UGDH: variants seen among roughly 807,000 people sequenced by gnomAD.
The protein encoded by UGDH is UDP-glucose 6-dehydrogenase.
UGDH carries 38 observed loss-of-function variants against 50.6 expected under a neutral mutation model. That is an observed-to-expected ratio of 0.75 (90% CI 0.58 to 0.98). UGDH has a LOEUF of 0.98. Ranked by LOEUF, UGDH falls within the 50% of genes least tolerant of loss-of-function variation. UGDH has a pLI of 0.00. For missense variants in UGDH, 465 were observed against 606.2 expected (o/e 0.77, Z 2.45); for synonymous variants, 168 against 199.9 (o/e 0.84, Z 1.35).
Position 39,510,780 on chromosome 4 carries a change from T to C in UGDH, c.346A>G (p.Ile116Val). Residue 116 changes from isoleucine (I) to valine (V), a missense_variant, in exon 4 of 12, where the codon ATT becomes GTT. Ile to Val is a conservative substitution (Grantham distance 29). Coordinates refer to ENST00000316423, the MANE Select transcript of UGDH (RefSeq NM_003359.4). ...LKYIEACARR[I>V]VQNSNGYKIV... is the part of the protein sequence containing the mutation. The stretch of plus-strand genomic sequence containing the variant: ...TTGTACCCATTTGAGTTTTGCACAA[T>C]GCGTCTAGCACAAGCTTCAATATAC... 3 of 1,614,252 alleles carry C rather than the reference T, an allele frequency of 1.9e-6. No homozygotes were observed. The highest frequency in any genetic ancestry group is 2.5e-6 in the Non-Finnish European group (3 of 1,180,046).
intron 2 of UGDH, among the ~76,000 whole-genome samples, chr4:39,518,930 ATTT>A (rs1469014081): frequency 6.6e-6 from 1 of 152,098 alleles, no homozygotes; most frequent in East Asian, 1.9e-4. Context: ...TTATTTACTT[ATTT>A]GGAGACAGAG....
In UGDH at chr4:39,501,724, A is replaced by G. The variant is rs986332633; in HGVS notation, c.1375-1471T>C. ...CTTAACTCAAAGGGTCGTGGTAAGT[A>G]TTAAATTAGGTAAAGTGCTTAGCAT... On this transcript the variant is annotated intron_variant, in intron 11 of 11. Coordinates refer to ENST00000316423, the MANE Select transcript of UGDH (RefSeq NM_003359.4). 3.3e-5 allele frequency among the ~76,000 whole-genome samples: 5 copies of G among 152,342 alleles called. No homozygotes were observed. The Middle Eastern group carries it at 0.014, about 415-fold the overall frequency.
intron 2 of UGDH, 22 bp downstream of exon 2, chr4:39,521,329 A>C: frequency 6.4e-7 from 1 of 1,572,316 alleles, no homozygotes; most frequent in Non-Finnish European, 8.6e-7. Context: ...CATAAAAACA[A>C]AGAGATGTTT....
At chr4:39,523,410 G>A (rs1746747739) in intron 1 of UGDH, among the ~76,000 whole-genome samples, 2 of 151,976 alleles carry the variant, frequency 1.3e-5, no homozygotes, top group African/African-American at 4.8e-5. Flanking sequence ...TAGTAAAAAT[G>A]GACAGAATTT....
chr4:39,505,010 T>C (rs1243430511), intron 9 of UGDH, among the ~76,000 whole-genome samples: 1 of 152,176 alleles, frequency 6.6e-6, no homozygotes, highest in African/African-American at 2.4e-5. Context: ...CTTTGGAATT[T>C]TGGGGATTTG....
At chr4:39,515,234 A>G (rs1203403161) in intron 2 of UGDH, among the ~76,000 whole-genome samples, 1 of 152,228 alleles carries the variant, frequency 6.6e-6, no homozygotes, top group Non-Finnish European at 1.5e-5. Context: ...GTCATTGTTT[A>G]CCATGTGACT....
chr4:39,509,976 T>C lies in UGDH; in HGVS notation c.664-69A>G, dbSNP rs566457553. On this transcript the variant is annotated intron_variant, in intron 5 of 11. Coordinates refer to ENST00000316423, the MANE Select transcript of UGDH (RefSeq NM_003359.4). ...AGCAATTTTATACATCTAGTTTATATTTCATTGCGTTGACGCAAATTACTG... is the reference window on the plus strand; with the variant it reads ...AGCAATTTTATACATCTAGTTTATACTTCATTGCGTTGACGCAAATTACTG... The C allele has an allele frequency of 3.4e-6, 5 of 1,488,250 alleles. No homozygotes were observed. The African/African-American group carries it at 4.2e-5, about 13-fold the overall frequency. 92.2% of individuals were successfully genotyped at this position (1,488,250 alleles called of 1,614,324 possible). A position where few individuals can be genotyped will look rare whatever the true frequency, so the allele number is the denominator to read the frequency against.
intron 1 of UGDH, chr4:39,526,430 G>A (rs1380722972): frequency 6.6e-6 from 1 of 152,230 alleles, no homozygotes; most frequent in East Asian, 1.9e-4. Flanking sequence ...AGAGCAGACA[G>A]TCAGCTCTTT....
intron 2 of UGDH, among the ~76,000 whole-genome samples, chr4:39,521,113 T>TATC (rs1264994008): frequency 2.5e-4 from 37 of 150,936 alleles, no homozygotes; most frequent in African/African-American, 8.8e-4. Flanking sequence ...GAGAAAAAAT[T>TATC]ATCCATAATC....
At position 39,512,890 on chromosome 4, in the gene UGDH, T is replaced by C. The variant is rs1488301503; in HGVS notation, c.264+1193A>G. Among the ~76,000 whole-genome samples the C allele has an allele frequency of 9.4e-5, 14 of 149,634 alleles. 1 individual carries two copies. The highest frequency in any genetic ancestry group is 8.9e-4 in the Admixed American group (13 of 14,534). On this transcript the variant is annotated intron_variant, in intron 3 of 11. Coordinates refer to ENST00000316423, the MANE Select transcript of UGDH (RefSeq NM_003359.4). Reference sequence around the variant, plus strand: ...TAGGCTGGAGTGCAAGGTACAATAATGGCTCATTGCAGCCTCAACCTCCAG... The same window carrying C: ...TAGGCTGGAGTGCAAGGTACAATAACGGCTCATTGCAGCCTCAACCTCCAG...
intron 1 of UGDH, chr4:39,527,010 G>T (rs758816775): frequency 1.6e-6 from 2 of 1,289,306 alleles, no homozygotes; most frequent in South Asian, 1.2e-5. Flanking sequence ...TCCAAGTCAG[G>T]AAAGTGGGTA....
chr4:39,501,171 T>G (rs1169382748), intron 11 of UGDH, among the ~76,000 whole-genome samples: 1 of 150,000 alleles, frequency 6.7e-6, no homozygotes, highest in Non-Finnish European at 1.5e-5. Context: ...TTTCACTATG[T>G]TGGCCAAGCT....
In UGDH at chr4:39,499,974, G is replaced by A. The variant is rs113565511; in HGVS notation, c.*169C>T. ...GAACCTGGGAAGCAGAGCTTGCAGT[G>A]AGCCGAGATTGCACCACTGCACTCC... On this transcript the variant is annotated 3_prime_UTR_variant, in exon 12 of 12. Coordinates refer to ENST00000316423, the MANE Select transcript of UGDH (RefSeq NM_003359.4). The A allele has an allele frequency of 2.0e-5, 9 of 446,520 alleles. No individual in the cohort carries two copies. The highest frequency in any genetic ancestry group is 1.4e-4 in the African/African-American group (7 of 49,930). 27.7% of individuals were successfully genotyped at this position (446,520 alleles called of 1,614,324 possible). A position where few individuals can be genotyped will look rare whatever the true frequency, so the allele number is the denominator to read the frequency against.
chr4:39,514,003 G>T, intron 3 of UGDH, 80 bp downstream of exon 3: 1 of 1,187,668 alleles, frequency 8.4e-7, no homozygotes, highest in Non-Finnish European at 1.2e-6. Context: ...TAATACCAAT[G>T]GATTTACTAT....
intron 2 of UGDH, among the ~76,000 whole-genome samples, chr4:39,519,764 T>C (rs1462504748): frequency 6.6e-6 from 1 of 151,998 alleles, no homozygotes; most frequent in Non-Finnish European, 1.5e-5. Context: ...GGTCTTAAAC[T>C]CCCGACCTCA....
intron 2 of UGDH, among the ~76,000 whole-genome samples, chr4:39,520,811 C>A (rs1201505705): frequency 6.6e-6 from 1 of 151,744 alleles, no homozygotes; most frequent in East Asian, 1.9e-4. Context: ...CAGTGGCTCA[C>A]GCCTGTAATC....
In UGDH at chr4:39,505,218, A is replaced by G; in HGVS notation, c.1171+19T>C. The stretch of plus-strand genomic sequence containing the variant: ...TTCAGGTCTGGACTCAAAATGATTC[A>G]TGAGACTCAAAGCCTTACCTTGGTC... On this transcript the variant is annotated intron_variant, in intron 9 of 11. Transcript: ENST00000316423. The G allele has an allele frequency of 6.3e-7, 1 of 1,577,988 alleles. No individual in the cohort carries two copies. The highest frequency in any genetic ancestry group is 8.6e-7 in the Non-Finnish European group (1 of 1,169,212).
At chr4:39,522,799 C>T (rs2109948311) in intron 1 of UGDH, among the ~76,000 whole-genome samples, 1 of 148,290 alleles carries the variant, frequency 6.7e-6, no homozygotes, top group South Asian at 2.1e-4. Context: ...CAGAGTCTTG[C>T]TCTGTCGCCA....
intron 11 of UGDH, among the ~76,000 whole-genome samples, chr4:39,500,950 G>A (rs1232338215): frequency 8.1e-5 from 11 of 136,460 alleles, no homozygotes; most frequent in South Asian, 2.4e-4. Flanking sequence ...CACTGTGCCC[G>A]AATGGTAACA....
Sources: allele counts gnomAD v4.1 joint callset (sites outside exome capture counted in the v4.1 genomes callset), GRCh38; gene constraint gnomAD v4.1.1; transcripts MANE v1.5; gene names NCBI Gene and HGNC (gene_info 2026-07-23, HGNC 2026-07-21).